FRMPD1: variants seen among roughly 807,000 people sequenced by gnomAD.
The protein encoded by FRMPD1 is FERM and PDZ domain-containing protein 1.
In FRMPD1, 76 loss-of-function variants were observed where a neutral mutation model predicts 117.8. That is an observed-to-expected ratio of 0.65 (90% CI 0.54 to 0.78). FRMPD1 has a LOEUF of 0.78. FRMPD1 is among the 30% of genes least tolerant of loss of function. The pLI is 0.00. For synonymous variants in FRMPD1, 783 were observed against 770.4 expected (o/e 1.02, Z -0.27); for missense variants, 1,786 against 1,964.5 (o/e 0.91, Z 1.72).
the FRMPD1 span, among the ~76,000 whole-genome samples, chr9:37,619,821 C>T: frequency 6.6e-6 from 1 of 151,418 alleles, no homozygotes; most frequent in Non-Finnish European, 1.5e-5. Context: ...GGGGACCCTG[C>T]CGTATAGTCT....
At chr9:37,700,341 T>A (rs971953098) in intron 2 of FRMPD1, among the ~76,000 whole-genome samples, 3 of 152,208 alleles carry the variant, frequency 2.0e-5, no homozygotes, top group Non-Finnish European at 4.4e-5. Flanking sequence ...ATGATTGTGA[T>A]TACATGCTAC....
At chr9:37,672,709 G>T (rs1821395983) in intron 1 of FRMPD1, among the ~76,000 whole-genome samples, 1 of 152,078 alleles carries the variant, frequency 6.6e-6, no homozygotes, top group Non-Finnish European at 1.5e-5. Context: ...GGAAGAAAAA[G>T]AGGTTTAATT....
At chr9:37,654,967 G>C (rs1485015583) in intron 1 of FRMPD1, among the ~76,000 whole-genome samples, 2 of 152,044 alleles carry the variant, frequency 1.3e-5, no homozygotes, top group Non-Finnish European at 2.9e-5. Flanking sequence ...CCCTTCTTTA[G>C]GATCTCTTTC....
intron 1 of FRMPD1, among the ~76,000 whole-genome samples, chr9:37,681,308 A>AGGTTAAAAT (rs1821724926): frequency 6.6e-6 from 1 of 151,960 alleles, no homozygotes; most frequent in East Asian, 1.9e-4. Context: ...ATGACGTGTG[A>AGGTTAAAAT]GGTTAAAATA....
At chr9:37,631,520 A>G in the FRMPD1 span, among the ~76,000 whole-genome samples, 2 of 152,254 alleles carry the variant, frequency 1.3e-5, no homozygotes, top group Non-Finnish European at 2.9e-5. Flanking sequence ...AGTAAACTCT[A>G]AAGCGTTTCC....
At chr9:37,667,235 C>G (rs1821188868) in intron 1 of FRMPD1, among the ~76,000 whole-genome samples, 2 of 151,010 alleles carry the variant, frequency 1.3e-5, no homozygotes, top group South Asian at 4.2e-4. Flanking sequence ...CAGCTATTTT[C>G]TTGTATTTTC....
At chr9:37,683,622 G>C (rs909578268) in intron 1 of FRMPD1, among the ~76,000 whole-genome samples, 2 of 152,220 alleles carry the variant, frequency 1.3e-5, no homozygotes, top group African/African-American at 4.8e-5. Flanking sequence ...CAAAGCCTTT[G>C]GGGGGAACAA....
At chr9:37,667,264 C>T (rs898650735) in intron 1 of FRMPD1, among the ~76,000 whole-genome samples, 1 of 150,978 alleles carries the variant, frequency 6.6e-6, no homozygotes, top group Non-Finnish European at 1.5e-5. Context: ...CAGGGTCTCA[C>T]CATGTTGGCC....
At chr9:37,714,234 G>C (rs182109526) in intron 5 of FRMPD1, among the ~76,000 whole-genome samples, 18 of 152,298 alleles carry the variant, frequency 1.2e-4, no homozygotes, top group South Asian at 1.0e-3. Flanking sequence ...TGTTTAGCTG[G>C]TTATCATCTC....
intron 4 of FRMPD1, among the ~76,000 whole-genome samples, chr9:37,710,866 G>A (rs1365049627): frequency 6.6e-6 from 1 of 151,020 alleles, no homozygotes; most frequent in Non-Finnish European, 1.5e-5. Flanking sequence ...GCTGAGGCAG[G>A]AGAATTCTTT....
At chr9:37,643,662 G>T in the FRMPD1 span, among the ~76,000 whole-genome samples, 4 of 151,968 alleles carry the variant, frequency 2.6e-5, no homozygotes, top group African/African-American at 4.8e-5. Flanking sequence ...ATTTGTCTTG[G>T]TTGTGCTCCT....
At chr9:37,610,764 G>T in the FRMPD1 span, among the ~76,000 whole-genome samples, 149,437 of 152,160 alleles carry the variant, frequency 0.98, 73,431 homozygotes, top group Middle Eastern at 1. Context: ...CTGGATAATT[G>T]TGTGGTTTTT....
intron 1 of FRMPD1, among the ~76,000 whole-genome samples, chr9:37,656,778 C>A (rs1820855995): frequency 6.6e-6 from 1 of 151,904 alleles, no homozygotes; most frequent in African/African-American, 2.4e-5. Flanking sequence ...AGGGCAGAAG[C>A]CATTATTTTC....
In FRMPD1 at chr9:37,708,603, T is replaced by C. The variant is rs866146233; in HGVS notation, c.362+102T>C. On this transcript the variant is annotated intron_variant, in intron 4 of 15. Transcript: ENST00000377765. ...ACTGATCCCCTGATTTTAATAAGGC[T>C]AAGTCTCCTTTAAAGCAGCAAAAAC... 1.1e-5 allele frequency: 8 copies of C among 738,608 alleles called. 1 individual carries two copies. In the Middle Eastern group the frequency reaches 1.4e-3, roughly 131 times the overall value. The allele number at this position is 738,608 out of a possible 1,614,324, so 45.8% of individuals were successfully genotyped here. A position where few individuals can be genotyped will look rare whatever the true frequency, so the allele number is the denominator to read the frequency against.
At chr9:37,634,266 T>C in the FRMPD1 span, among the ~76,000 whole-genome samples, 1 of 152,342 alleles carries the variant, frequency 6.6e-6, no homozygotes, top group East Asian at 1.9e-4. Flanking sequence ...AGTGTTTACT[T>C]ATTATGACTT....
intron 2 of FRMPD1, among the ~76,000 whole-genome samples, chr9:37,695,772 A>G (rs1441439655): frequency 6.6e-6 from 1 of 152,104 alleles, no homozygotes; most frequent in Non-Finnish European, 1.5e-5. Context: ...TGCCTTCAGA[A>G]CTGTCCACCT....
At chr9:37,737,308 GCC>G in intron 14 of FRMPD1, 65 bp downstream of exon 14, 1 of 1,470,330 alleles carries the variant, frequency 6.8e-7, no homozygotes, top group Non-Finnish European at 9.5e-7. Flanking sequence ...GGTAAGGGCA[GCC>G]TAAAGGGAGG....
Position 37,733,647 on chromosome 9 carries a change from C to G in FRMPD1, c.1122+48C>G, listed in dbSNP as rs538015666. On this transcript the variant is annotated intron_variant, in intron 11 of 15. Coordinates refer to ENST00000377765, the MANE Select transcript of FRMPD1 (RefSeq NM_014907.3). ...CCCACTCAGCTGTCGTCTGTGAAAC[C>G]TTAGGAAAAACATTTTCAACACTGC... is the stretch of plus-strand genomic sequence containing the variant. The G allele has an allele frequency of 8.3e-5, 133 of 1,609,842 alleles. No homozygotes were observed. In the South Asian group the frequency reaches 1.4e-3, roughly 17 times the overall value.
At chr9:37,668,701 A>T (rs1475008105) in intron 1 of FRMPD1, 1 of 151,940 alleles carries the variant, frequency 6.6e-6, no homozygotes, top group African/African-American at 2.4e-5. Context: ...TCCATATCTT[A>T]AAAAAAACCT....
Sources: allele counts gnomAD v4.1 joint callset (sites outside exome capture counted in the v4.1 genomes callset), GRCh38; gene constraint gnomAD v4.1.1; transcripts MANE v1.5; gene names NCBI Gene and HGNC (gene_info 2026-07-23, HGNC 2026-07-21).